Variants in MGAT4A observed in about 807,000 individuals in gnomAD.
The protein encoded by MGAT4A is alpha-1,3-mannosyl-glycoprotein 4-beta-N-acetylglucosaminyltransferase A, also known as N-acetylglucosaminyltransferase IVa.
Under a neutral mutation model 74.1 loss-of-function variants are expected in MGAT4A, and 33 were observed. The ratio of observed to expected loss-of-function variants is 0.45; its 90% CI spans 0.34 to 0.60. The LOEUF (loss-of-function observed/expected upper bound fraction) is 0.60, where lower values mean the gene tolerates loss of function less well. MGAT4A is among the 20% of genes least tolerant of loss of function. The pLI, the probability that MGAT4A is intolerant of heterozygous loss-of-function variation, is 0.02. For synonymous variants in MGAT4A, 198 were observed against 210.4 expected, an observed-to-expected ratio of 0.94 and a Z score of 0.51; for missense variants, 479 against 628.3, an observed-to-expected ratio of 0.76 and a Z score of 2.54.
rs180788170 is a variant in MGAT4A at position 98,679,889 on chromosome 2, T to A, written c.95-1418A>T. ...TGGTGGAAGAAGCCATTCATTTACT[T>A]GCCTGGAGGTACTGAATAGTAGTGG... On this transcript the variant is annotated intron_variant, in intron 2 of 15. Coordinates refer to ENST00000393487, the MANE Select transcript of MGAT4A (RefSeq NM_012214.3). Among the ~76,000 whole-genome samples, 122 of 152,246 alleles carry A rather than the reference T, an allele frequency of 8.0e-4. 1 individual carries two copies. The highest frequency in any genetic ancestry group is 2.9e-3 in the African/African-American group (121 of 41,534).
chr2:98,671,169 C>T (rs943473874), intron 4 of MGAT4A, among the ~76,000 whole-genome samples: 5 of 152,192 alleles, frequency 3.3e-5, no homozygotes, highest in Non-Finnish European at 7.3e-5. Flanking sequence ...CTCATATGTT[C>T]CAAACAACTC....
chr2:98,673,243 A>C (rs1442448887), intron 4 of MGAT4A, among the ~76,000 whole-genome samples: 1 of 151,994 alleles, frequency 6.6e-6, no homozygotes, highest in Non-Finnish European at 1.5e-5. Context: ...TTCCCTAATT[A>C]ATCAGCCTGA....
intron 14 of MGAT4A, among the ~76,000 whole-genome samples, chr2:98,627,986 T>TATA (rs1701172560): frequency 6.6e-6 from 1 of 152,256 alleles, no homozygotes. Context: ...TAAATAACCA[T>TATA]AGGCTTTAAA....
intron 8 of MGAT4A, among the ~76,000 whole-genome samples, chr2:98,651,153 A>G (rs1175070069): frequency 6.6e-6 from 1 of 152,170 alleles, no homozygotes; most frequent in Non-Finnish European, 1.5e-5. Context: ...GACCTGCCCT[A>G]CTGCTGAAGG....
At chr2:98,665,134 C>T (rs1386485926) in intron 4 of MGAT4A, among the ~76,000 whole-genome samples, 1 of 151,854 alleles carries the variant, frequency 6.6e-6, no homozygotes, top group East Asian at 1.9e-4. Flanking sequence ...TCGAGACCAT[C>T]CTGGCTAACA....
intron 8 of MGAT4A, among the ~76,000 whole-genome samples, chr2:98,654,048 G>A (rs1202966455): frequency 6.6e-6 from 1 of 151,886 alleles, no homozygotes; most frequent in Non-Finnish European, 1.5e-5. Flanking sequence ...TTAACAAAAT[G>A]GAGGAAAAAA....
rs754940216 is a variant in MGAT4A, at chr2:98,619,608, T to G, written c.*5958A>C. ...CTGAAATGAAAAGTATCAAATCTAC[T>G]GGCAGTGCATCTTACAGTACTGTCG... On this transcript the variant is annotated 3_prime_UTR_variant, in exon 16 of 16. Coordinates refer to ENST00000393487, the MANE Select transcript of MGAT4A (RefSeq NM_012214.3). 6.6e-6 allele frequency: 1 copy of G among 152,234 alleles called. No homozygotes were observed. The highest frequency in any genetic ancestry group is 1.5e-5 in the Non-Finnish European group (1 of 68,034). 9.4% of individuals were successfully genotyped at this position (152,234 alleles called of 1,614,324 possible). A position where few individuals can be genotyped will look rare whatever the true frequency, so the allele number is the denominator to read the frequency against.
At chr2:98,678,249 A>AAAAATAT (rs67023324) in intron 3 of MGAT4A, 55 bp downstream of exon 3, 5 of 263,866 alleles carry the variant, frequency 1.9e-5, no homozygotes, top group African/African-American at 5.7e-5. Flanking sequence ...AAAAAAAAAA[A>AAAAATAT]ATATATATAT....
At chr2:98,643,244 G>C (rs1343904404) in intron 10 of MGAT4A, among the ~76,000 whole-genome samples, 1 of 152,038 alleles carries the variant, frequency 6.6e-6, no homozygotes, top group East Asian at 1.9e-4. Flanking sequence ...GGCTTGTCCT[G>C]AACTTCTGGG....
chr2:98,652,272 C>T lies in MGAT4A; in HGVS notation c.774+3173G>A, dbSNP rs569179724. Reference sequence around the variant, plus strand: ...GCAGAATACACATTCTTCTCAAGAGCATATGGAACATTCTCCAAGACAGAC... The same window carrying T: ...GCAGAATACACATTCTTCTCAAGAGTATATGGAACATTCTCCAAGACAGAC... On this transcript the variant is annotated intron_variant, in intron 8 of 15. Transcript: ENST00000393487. 3.3e-5 allele frequency among the ~76,000 whole-genome samples: 5 copies of T among 151,988 alleles called. No individual in the cohort carries two copies. The East Asian group carries it at 9.7e-4, about 29-fold the overall frequency.
At chr2:98,674,972 T>G in intron 4 of MGAT4A, 63 bp downstream of exon 4, 2 of 1,549,912 alleles carry the variant, frequency 1.3e-6, no homozygotes, top group Admixed American at 2.0e-5. Flanking sequence ...ATGGTCAACA[T>G]AATAGTCCAA....
In MGAT4A at chr2:98,621,016, T is replaced by C; in HGVS notation, c.*4550A>G. 1 of 155,496 alleles carries C rather than the reference T, an allele frequency of 6.4e-6. No homozygotes were observed. The highest frequency in any genetic ancestry group is 1.4e-5 in the Non-Finnish European group (1 of 70,264). The allele number at this position is 155,496 out of a possible 1,614,324, so 9.6% of individuals were successfully genotyped here. ...GACTTGCTACTAAAGACTTTATTCATGCATTTACCAAGAAATATCCAGCAT... is the reference window on the plus strand; with the variant it reads ...GACTTGCTACTAAAGACTTTATTCACGCATTTACCAAGAAATATCCAGCAT... On this transcript the variant is annotated 3_prime_UTR_variant, in exon 16 of 16. Transcript: ENST00000393487.
chr2:98,659,028 A>G (rs1701705535), intron 5 of MGAT4A, among the ~76,000 whole-genome samples: 1 of 152,216 alleles, frequency 6.6e-6, no homozygotes, highest in Non-Finnish European at 1.5e-5. Context: ...TGTTTTAAAC[A>G]GACATTTTCA....
At chr2:98,709,598 C>T (rs1365950059) in intron 2 of MGAT4A, among the ~76,000 whole-genome samples, 1 of 152,152 alleles carries the variant, frequency 6.6e-6, no homozygotes, top group African/African-American at 2.4e-5. Flanking sequence ...ACATGGTAGC[C>T]AACCACTGGA....
chr2:98,678,455 A>G lies in MGAT4A; in HGVS notation c.111T>C (p.Tyr37=), dbSNP rs1702011349. The G allele has an allele frequency of 4.4e-6, 7 of 1,576,768 alleles. No individual in the cohort carries two copies. The highest frequency in any genetic ancestry group is 6.1e-6 in the Non-Finnish European group (7 of 1,155,888). The change falls in exon 3 of 16, where the codon TAT becomes TAC. Residue 37 remains tyrosine (Y), a synonymous_variant. Coordinates refer to ENST00000393487, the MANE Select transcript of MGAT4A (RefSeq NM_012214.3). ...CTTTCAAAGCAAGGAATTCTCGTTG[A>G]TAAGCAATCAGTTTTTCTAGAAGCA... ...WQNGKEKLIA[Y]QREFLALKER... is the part of the protein sequence containing the mutation.
At chr2:98,705,444 G>A (rs1179710470) in intron 2 of MGAT4A, among the ~76,000 whole-genome samples, 1 of 152,138 alleles carries the variant, frequency 6.6e-6, no homozygotes, top group African/African-American at 2.4e-5. Flanking sequence ...GTGACTGCAT[G>A]CTATCTTTGC....
intron 14 of MGAT4A, 97 bp from the exon 15 acceptor site, chr2:98,625,932 C>A: frequency 2.7e-6 from 2 of 728,682 alleles, no homozygotes; most frequent in Admixed American, 2.5e-5. Context: ...CAAAATATTT[C>A]TAGTAGATGT....
chr2:98,650,889 A>C (rs1575250742), intron 8 of MGAT4A, among the ~76,000 whole-genome samples: 1 of 152,120 alleles, frequency 6.6e-6, no homozygotes, highest in African/African-American at 2.4e-5. Flanking sequence ...TGGAGCTTAC[A>C]GTGAGCCGAG....
chr2:98,667,729 G>A (rs1041698181), intron 4 of MGAT4A, among the ~76,000 whole-genome samples: 3 of 151,424 alleles, frequency 2.0e-5, no homozygotes, highest in Non-Finnish European at 4.4e-5. Context: ...TGTTGTTGTT[G>A]TTGTTTTGAG....
Sources: gnomAD v4.1 joint callset for allele counts (sites outside exome capture counted in the v4.1 genomes callset) on GRCh38, gnomAD v4.1.1 for gene constraint, MANE v1.5 for transcripts, NCBI Gene and HGNC (gene_info 2026-07-23, HGNC 2026-07-21) for gene names.